NFASC: variants seen among roughly 807,000 people sequenced by gnomAD.
NFASC encodes the protein neurofascin, also known as neurofascin homolog.
In NFASC, 43 loss-of-function variants were observed where a neutral mutation model predicts 147.5. The ratio of observed to expected loss-of-function variants is 0.29; its 90% CI spans 0.23 to 0.38. NFASC has a LOEUF of 0.38. Ranked by LOEUF, NFASC falls within the 10% of genes least tolerant of loss-of-function variation. The pLI is 1.00. For synonymous variants in NFASC, 622 were observed against 665.5 expected (o/e 0.93, Z 1.01); for missense variants, 1,320 against 1,689.0 (o/e 0.78, Z 3.83).
intron 1 of NFASC, among the ~76,000 whole-genome samples, chr1:204,881,636 AAC>A (rs930461951): frequency 7.9e-5 from 12 of 152,010 alleles, no homozygotes; most frequent in African/African-American, 2.9e-4. Context: ...TGATGGGGGG[AAC>A]CACGGGTTCC....
chr1:204,943,895 T>C (rs962346967), intron 2 of NFASC, among the ~76,000 whole-genome samples: 1 of 152,180 alleles, frequency 6.6e-6, no homozygotes, highest in South Asian at 2.1e-4. Flanking sequence ...CTAACAGTGG[T>C]TTTCAGCTGG....
At chr1:205,004,135 C>T (rs1003417465) in intron 27 of NFASC, among the ~76,000 whole-genome samples, 2 of 152,228 alleles carry the variant, frequency 1.3e-5, no homozygotes, top group Non-Finnish European at 2.9e-5. Flanking sequence ...TGCTTCATTA[C>T]ATATTTGAGT....
At chr1:204,858,064 C>T (rs978493766) in intron 1 of NFASC, among the ~76,000 whole-genome samples, 3 of 151,728 alleles carry the variant, frequency 2.0e-5, no homozygotes, top group Non-Finnish European at 2.9e-5. Flanking sequence ...GGATTACAGG[C>T]GCCTGCCGTA....
chr1:204,861,765 A>T (rs2102857306), intron 1 of NFASC, among the ~76,000 whole-genome samples: 1 of 152,342 alleles, frequency 6.6e-6, no homozygotes, highest in East Asian at 1.9e-4. Context: ...CTGGGATTAC[A>T]GGCGTGAGCC....
At chr1:204,947,211 A>G (rs1329634422) in intron 3 of NFASC, 1 of 200,174 alleles carries the variant, frequency 5.0e-6, no homozygotes, top group African/African-American at 2.3e-5. Context: ...AACAAACAGA[A>G]TAAAGAAGCT....
At chr1:204,925,605 A>G (rs2091354083) in intron 2 of NFASC, among the ~76,000 whole-genome samples, 1 of 152,372 alleles carries the variant, frequency 6.6e-6, no homozygotes, top group South Asian at 2.1e-4. Context: ...CAAGAAGCTC[A>G]TAATCTGGCT....
At chr1:204,842,613 C>A (rs1675682678) in intron 1 of NFASC, among the ~76,000 whole-genome samples, 2 of 152,242 alleles carry the variant, frequency 1.3e-5, no homozygotes, top group Non-Finnish European at 2.9e-5. Flanking sequence ...TTCTGTGTAA[C>A]ACCATTAAAT....
intron 27 of NFASC, among the ~76,000 whole-genome samples, chr1:205,007,090 G>A (rs1272989547): frequency 6.6e-6 from 1 of 151,990 alleles, no homozygotes; most frequent in Non-Finnish European, 1.5e-5. Context: ...GAAGAGCATA[G>A]AGCGTACCAA....
At position 204,977,600 on chromosome 1, in the gene NFASC, C is replaced by T. The variant is rs1474980093; in HGVS notation, c.1832-81C>T. The T allele has an allele frequency of 1.0e-5, 14 of 1,372,732 alleles. No individual in the cohort carries two copies. In the East Asian group the frequency reaches 1.4e-4, roughly 14 times the overall value. The allele number at this position is 1,372,732 out of a possible 1,614,324, so 85.0% of individuals were successfully genotyped here. On this transcript the variant is annotated intron_variant, in intron 16 of 29. Transcript: ENST00000339876. ...AGCCCAGAGGCAGCTGTTTAAGCCT[C>T]GGCTGCCTACCCCCATCCTTCTAGA...
chr1:204,898,052 T>A (rs775101882), intron 1 of NFASC, among the ~76,000 whole-genome samples: 20 of 145,228 alleles, frequency 1.4e-4, no homozygotes, highest in Non-Finnish European at 2.4e-4. Context: ...GGCTAATTTT[T>A]AAAAATTGTT....
At chr1:204,940,180 C>T (rs576491057) in intron 2 of NFASC, among the ~76,000 whole-genome samples, 24 of 152,284 alleles carry the variant, frequency 1.6e-4, no homozygotes, top group Middle Eastern at 3.4e-3. Flanking sequence ...AAGCCGGGCG[C>T]GATGGCTCAC....
At chr1:204,885,578 AAG>A (rs2081171048) in intron 1 of NFASC, among the ~76,000 whole-genome samples, 1 of 152,336 alleles carries the variant, frequency 6.6e-6, no homozygotes, top group African/African-American at 2.4e-5. Flanking sequence ...GTACATTCAA[AAG>A]AGTCTTTTGT....
intron 3 of NFASC, chr1:204,945,166 G>A (rs2093634610): frequency 6.6e-6 from 1 of 152,260 alleles, no homozygotes; most frequent in South Asian, 2.1e-4. Flanking sequence ...AATGGCCCAT[G>A]TATTGGCAGC....
In NFASC at chr1:204,976,764, A is replaced by G. The variant is rs749666800; in HGVS notation, c.1800A>G (p.Gln600=). 6.2e-7 allele frequency: 1 copy of G among 1,613,898 alleles called. No individual in the cohort carries two copies. The highest frequency in any genetic ancestry group is 1.3e-5 in the African/African-American group (1 of 74,916). ...YTCVASTELD[Q]DLAKAYLTVL... ...GTGTCGCCAGCACCGAGCTAGACCA[A>G]GACCTGGCCAAGGCCTACCTCACCG... The change falls in exon 16 of 30, where the codon CAA becomes CAG. Residue 600 remains glutamine, a synonymous_variant. Coordinates refer to ENST00000339876, the MANE Select transcript of NFASC (RefSeq NM_001005388.3).
At chr1:205,014,252 T>C (rs983920830) in intron 29 of NFASC, among the ~76,000 whole-genome samples, 1 of 151,910 alleles carries the variant, frequency 6.6e-6, no homozygotes, top group Non-Finnish European at 1.5e-5. Flanking sequence ...TGACCCTGGG[T>C]CTACACGCAC....
chr1:204,964,852 CAG>C (rs1261464310), intron 8 of NFASC, among the ~76,000 whole-genome samples: 1 of 152,190 alleles, frequency 6.6e-6, no homozygotes, highest in Non-Finnish European at 1.5e-5. Flanking sequence ...TAGCACTTGA[CAG>C]AGGGGGGCAA....
chr1:204,961,579 T>G (rs1421990317), intron 8 of NFASC, among the ~76,000 whole-genome samples: 2 of 152,274 alleles, frequency 1.3e-5, no homozygotes, highest in African/African-American at 2.4e-5. Context: ...TTGGCCCAAC[T>G]CTTTTGGTCA....
At chr1:204,923,175 G>A (rs1011424387) in intron 2 of NFASC, among the ~76,000 whole-genome samples, 7 of 152,184 alleles carry the variant, frequency 4.6e-5, no homozygotes, top group South Asian at 2.1e-4. Flanking sequence ...GAAACACTGC[G>A]TAGCTGTTTC....
intron 1 of NFASC, among the ~76,000 whole-genome samples, chr1:204,913,705 C>T (rs1407520295): frequency 6.6e-6 from 1 of 151,608 alleles, no homozygotes; most frequent in Non-Finnish European, 1.5e-5. Flanking sequence ...ATGGTGACAC[C>T]ATGTCTCTAT....
Sources: gnomAD v4.1 joint callset for allele counts (sites outside exome capture counted in the v4.1 genomes callset) on GRCh38, gnomAD v4.1.1 for gene constraint, MANE v1.5 for transcripts, NCBI Gene and HGNC (gene_info 2026-07-23, HGNC 2026-07-21) for gene names.